Variants in SH3PXD2A observed in about 807,000 individuals in gnomAD.
The protein encoded by SH3PXD2A is SH3 and PX domains 2A.
A neutral mutation model predicts 115.2 loss-of-function variants in SH3PXD2A; 32 were observed. The observed-to-expected ratio is 0.28, with a 90% CI of 0.21 to 0.37. The LOEUF (loss-of-function observed/expected upper bound fraction) is 0.37. Among genes scored for constraint, SH3PXD2A ranks in the 10% least tolerant of loss-of-function variants. The pLI is 1.00. For missense variants in SH3PXD2A, 1,328 were observed against 1,498.7 expected (o/e 0.89, Z 1.88); for synonymous variants, 610 against 629.1 (o/e 0.97, Z 0.45).
rs115995317 is a variant in SH3PXD2A, at chr10:103,811,492, G to C, written c.73-10130C>G. On this transcript the variant is annotated intron_variant, in intron 1 of 14. Transcript: ENST00000369774. ...ATCGTCTCCAGTTCATAAGTGAAGA[G>C]ACTAGGGCCCAGAGAGGTAACTGGT... Among the ~76,000 whole-genome samples, 877 of 152,308 alleles carry C rather than the reference G, an allele frequency of 5.8e-3. 14 individuals carry two copies. Among genetic ancestry groups the C allele is most frequent in the African/African-American group, 0.019 (786 of 41,574 alleles).
intron 1 of SH3PXD2A, among the ~76,000 whole-genome samples, chr10:103,839,548 C>T (rs2039576858): frequency 6.6e-6 from 1 of 152,082 alleles, no homozygotes; most frequent in Admixed American, 6.5e-5. Context: ...AACCGAGGTG[C>T]AGAAAGCTGC....
intron 6 of SH3PXD2A, among the ~76,000 whole-genome samples, chr10:103,674,334 A>G (rs1310825477): frequency 6.6e-6 from 1 of 152,208 alleles, no homozygotes; most frequent in African/African-American, 2.4e-5. Flanking sequence ...AGCAACTCAT[A>G]TCTTTACGAC....
At chr10:103,661,400 G>C (rs1438940941) in intron 7 of SH3PXD2A, among the ~76,000 whole-genome samples, 1 of 152,252 alleles carries the variant, frequency 6.6e-6, no homozygotes, top group Non-Finnish European at 1.5e-5. Flanking sequence ...GAGCGGAGGC[G>C]GAGGCCAAGG....
At chr10:103,821,648 G>A (rs1328369754) in intron 1 of SH3PXD2A, among the ~76,000 whole-genome samples, 1 of 151,962 alleles carries the variant, frequency 6.6e-6, no homozygotes, top group East Asian at 1.9e-4. Flanking sequence ...GACCTCCTGG[G>A]CTCAAGCCAT....
chr10:103,832,692 G>T (rs2039494487), intron 1 of SH3PXD2A, among the ~76,000 whole-genome samples: 1 of 152,112 alleles, frequency 6.6e-6, no homozygotes, highest in African/African-American at 2.4e-5. Context: ...TCATAGGTGG[G>T]AATTGAACAA....
At chr10:103,703,059 G>A (rs1334780325) in intron 5 of SH3PXD2A, among the ~76,000 whole-genome samples, 1 of 152,226 alleles carries the variant, frequency 6.6e-6, no homozygotes, top group African/African-American at 2.4e-5. Context: ...GTTTCGACCT[G>A]AGACTGGGAG....
intron 8 of SH3PXD2A, among the ~76,000 whole-genome samples, chr10:103,639,896 G>A (rs2036927684): frequency 6.6e-6 from 1 of 152,192 alleles, no homozygotes; most frequent in Admixed American, 6.5e-5. Flanking sequence ...GAGTGGGGCG[G>A]GAAGGGGTGG....
chr10:103,732,018 T>C (rs954249598), intron 4 of SH3PXD2A, among the ~76,000 whole-genome samples: 15 of 152,184 alleles, frequency 9.9e-5, no homozygotes, highest in Admixed American at 5.2e-4. Flanking sequence ...AGACGAATAA[T>C]AGAAACATGC....
chr10:103,632,094 G>A (rs1466969964), intron 8 of SH3PXD2A, among the ~76,000 whole-genome samples: 1 of 152,086 alleles, frequency 6.6e-6, no homozygotes, highest in Non-Finnish European at 1.5e-5. Flanking sequence ...TTGGGCACGG[G>A]AGGTTGAGGC....
intron 2 of SH3PXD2A, among the ~76,000 whole-genome samples, chr10:103,798,912 C>A (rs116018659): frequency 1.4e-3 from 211 of 152,302 alleles, no homozygotes; most frequent in African/African-American, 4.8e-3. Context: ...CTAGACGCCC[C>A]CCAGCCATGC....
chr10:103,754,710 C>G (rs2038619908), intron 3 of SH3PXD2A: 1 of 152,082 alleles, frequency 6.6e-6, no homozygotes, highest in East Asian at 1.9e-4. Context: ...CTCACGACTC[C>G]CTCCCACAGA....
intron 1 of SH3PXD2A, among the ~76,000 whole-genome samples, chr10:103,854,037 T>C (rs114157997): frequency 2.1e-4 from 32 of 152,218 alleles, no homozygotes; most frequent in African/African-American, 7.7e-4. Context: ...CTCCTCCCCA[T>C]ATGAGCCCAG....
At chr10:103,692,074 A>T (rs1273177989) in intron 6 of SH3PXD2A, among the ~76,000 whole-genome samples, 2 of 152,156 alleles carry the variant, frequency 1.3e-5, no homozygotes, top group Admixed American at 1.3e-4. Flanking sequence ...CAAGGGCCAG[A>T]TGTACCCCAA....
intron 1 of SH3PXD2A, among the ~76,000 whole-genome samples, chr10:103,824,159 T>G (rs1009097049): frequency 6.6e-6 from 1 of 152,184 alleles, no homozygotes; most frequent in Non-Finnish European, 1.5e-5. Context: ...ACCCTCCTTC[T>G]GCAGAAACCT....
At chr10:103,707,879 G>C (rs764875730) in intron 5 of SH3PXD2A, among the ~76,000 whole-genome samples, 10 of 152,048 alleles carry the variant, frequency 6.6e-5, no homozygotes, top group Non-Finnish European at 1.2e-4. Context: ...TCCTCTGCTG[G>C]GAAATCTCCA....
intron 6 of SH3PXD2A, chr10:103,678,065 T>C: frequency 8.1e-7 from 1 of 1,239,598 alleles, no homozygotes; most frequent in Non-Finnish European, 1.1e-6. Flanking sequence ...TTCAAAGAGA[T>C]TTTTAGAAAA....
In SH3PXD2A at chr10:103,789,258, C is replaced by T. The variant is rs767727430; in HGVS notation, c.153+12024G>A. 5.3e-5 allele frequency among the ~76,000 whole-genome samples: 8 copies of T among 152,338 alleles called. No homozygotes were observed. The East Asian group carries it at 1.5e-3, about 29-fold the overall frequency. On this transcript the variant is annotated intron_variant, in intron 2 of 14. Transcript: ENST00000369774. ...CCCCACAAGCCAAAGGGAATGCCCA[C>T]AGCATGCAGGCATGATGCAGGTGGT... is the stretch of plus-strand genomic sequence containing the variant.
chr10:103,733,786 T>C (rs919605756), intron 4 of SH3PXD2A, among the ~76,000 whole-genome samples: 6 of 152,206 alleles, frequency 3.9e-5, no homozygotes, highest in Non-Finnish European at 8.8e-5. Flanking sequence ...ATTTTATTTT[T>C]TTAGGGACAG....
intron 7 of SH3PXD2A, chr10:103,661,607 C>T: frequency 5.2e-6 from 5 of 961,874 alleles, no homozygotes; most frequent in Non-Finnish European, 6.2e-6. Context: ...AAGCAGGAGG[C>T]TCCAGCCTCT....
Sources: gnomAD v4.1 joint callset for allele counts (sites outside exome capture counted in the v4.1 genomes callset) on GRCh38, gnomAD v4.1.1 for gene constraint, MANE v1.5 for transcripts, NCBI Gene and HGNC (gene_info 2026-07-23, HGNC 2026-07-21) for gene names.